ADGRB3: variants seen among roughly 807,000 people sequenced by gnomAD.
ADGRB3 encodes brain-specific angiogenesis inhibitor 3.
Under a neutral mutation model 193.4 loss-of-function variants are expected in ADGRB3, and 37 were observed. The ratio of observed to expected loss-of-function variants is 0.19; its 90% CI spans 0.15 to 0.25. The LOEUF is 0.25. Ranked by LOEUF, ADGRB3 falls within the 10% of genes least tolerant of loss-of-function variation. The pLI is 1.00. For synonymous variants in ADGRB3, 690 were observed against 644.2 expected (o/e 1.07, Z -1.08); for missense variants, 1,637 against 1,852.9 (o/e 0.88, Z 2.14).
intron 3 of ADGRB3, among the ~76,000 whole-genome samples, chr6:68,901,640 AC>A (rs1393076288): frequency 6.6e-6 from 1 of 152,198 alleles, no homozygotes; most frequent in African/African-American, 2.4e-5. Context: ...TATAATTTTA[AC>A]AACTTAAATG....
chr6:69,362,812 A>C (rs544893205), intron 29 of ADGRB3, among the ~76,000 whole-genome samples: 2 of 152,014 alleles, frequency 1.3e-5, no homozygotes, highest in Non-Finnish European at 2.9e-5. Flanking sequence ...TGTAACTTGC[A>C]TATCCCAGAG....
intron 11 of ADGRB3, among the ~76,000 whole-genome samples, chr6:68,997,973 A>G (rs182863206): frequency 3.3e-5 from 5 of 152,170 alleles, no homozygotes; most frequent in East Asian, 1.9e-4. Context: ...AAGTATTTTA[A>G]CTAACAAATC....
At chr6:69,202,489 G>A (rs934117932) in intron 17 of ADGRB3, among the ~76,000 whole-genome samples, 2 of 152,068 alleles carry the variant, frequency 1.3e-5, no homozygotes, top group African/African-American at 2.4e-5. Flanking sequence ...GAGAGACAGA[G>A]TTTTCCTCTG....
chr6:69,345,794 A>T (rs1298526783), intron 26 of ADGRB3, among the ~76,000 whole-genome samples: 1 of 152,220 alleles, frequency 6.6e-6, no homozygotes, highest in African/African-American at 2.4e-5. Flanking sequence ...GTATTCAAAC[A>T]GGAAGAGAGG....
chr6:69,110,254 C>T (rs920682631), intron 17 of ADGRB3, among the ~76,000 whole-genome samples: 3 of 151,982 alleles, frequency 2.0e-5, no homozygotes, highest in Non-Finnish European at 4.4e-5. Context: ...ATCAGATGAA[C>T]TATTATTATA....
At chr6:68,879,261 G>T (rs1765672446) in intron 3 of ADGRB3, among the ~76,000 whole-genome samples, 1 of 128,406 alleles carries the variant, frequency 7.8e-6, no homozygotes, top group South Asian at 2.6e-4. Context: ...CTATCCCCCA[G>T]GCTGGAGTGC....
intron 13 of ADGRB3, among the ~76,000 whole-genome samples, chr6:69,029,808 C>A (rs924642256): frequency 2.0e-5 from 3 of 151,838 alleles, no homozygotes; most frequent in Non-Finnish European, 2.9e-5. Context: ...ATAATACAGG[C>A]CAAGAATTCT....
At chr6:69,039,473 T>C (rs756755106) in intron 13 of ADGRB3, among the ~76,000 whole-genome samples, 2 of 152,142 alleles carry the variant, frequency 1.3e-5, no homozygotes, top group Non-Finnish European at 2.9e-5. Context: ...TGTAAAGGGA[T>C]AGATAGTAAA....
At chr6:68,899,030 C>A (rs1447724910) in intron 3 of ADGRB3, among the ~76,000 whole-genome samples, 1 of 151,984 alleles carries the variant, frequency 6.6e-6, no homozygotes, top group Non-Finnish European at 1.5e-5. Flanking sequence ...ACAGTATGGG[C>A]TTCAGTTAAT....
intron 20 of ADGRB3, among the ~76,000 whole-genome samples, chr6:69,283,542 A>G (rs1767483129): frequency 1.3e-5 from 2 of 152,078 alleles, no homozygotes; most frequent in African/African-American, 2.4e-5. Context: ...TGGGATCTGT[A>G]TTCAAATTGT....
rs144462171 is a variant in ADGRB3, at chr6:68,659,497, C to T, written c.757+20065C>T. 5.0e-4 allele frequency among the ~76,000 whole-genome samples: 75 copies of T among 150,472 alleles called. No homozygotes were observed. The East Asian group carries it at 0.014, about 28-fold the overall frequency. On this transcript the variant is annotated intron_variant, in intron 3 of 31. Transcript: ENST00000370598. ...TGAATTTATTTCATATTTATATATG[C>T]GAAGAAGCATATTTCCCCATAAATA... is the stretch of plus-strand genomic sequence containing the variant.
intron 3 of ADGRB3, among the ~76,000 whole-genome samples, chr6:68,909,300 T>C (rs182841834): frequency 1.7e-3 from 265 of 152,280 alleles, no homozygotes; most frequent in African/African-American, 5.8e-3. Context: ...TACTTTTATA[T>C]GAGAAAACAA....
intron 3 of ADGRB3, among the ~76,000 whole-genome samples, chr6:68,839,897 G>A (rs1768117878): frequency 6.6e-6 from 1 of 152,126 alleles, no homozygotes; most frequent in African/African-American, 2.4e-5. Flanking sequence ...TGTATGCATA[G>A]GGGAGGGAGA....
intron 29 of ADGRB3, among the ~76,000 whole-genome samples, chr6:69,368,166 C>A (rs958709067): frequency 6.6e-6 from 1 of 152,056 alleles, no homozygotes; most frequent in Non-Finnish European, 1.5e-5. Flanking sequence ...AAGATTGTCA[C>A]AATGATTTTT....
chr6:69,251,482 TGG>T (rs1766618818), intron 20 of ADGRB3, among the ~76,000 whole-genome samples: 1 of 152,182 alleles, frequency 6.6e-6, no homozygotes, highest in Admixed American at 6.5e-5. Flanking sequence ...ATACAGTGCC[TGG>T]CACATAGCAC....
At chr6:69,331,318 T>C (rs1768723643) in intron 23 of ADGRB3, among the ~76,000 whole-genome samples, 1 of 152,218 alleles carries the variant, frequency 6.6e-6, no homozygotes, top group African/African-American at 2.4e-5. Flanking sequence ...TTTCTCCTTT[T>C]GGATTTATTG....
intron 3 of ADGRB3, among the ~76,000 whole-genome samples, chr6:68,695,552 G>A (rs1246353196): frequency 6.6e-6 from 1 of 152,010 alleles, no homozygotes; most frequent in East Asian, 1.9e-4. Flanking sequence ...AGAAAGCCTA[G>A]GAACATGTCT....
chr6:68,796,186 TATCTATAAACC>T lies in ADGRB3; in HGVS notation c.758-134371_758-134361del, dbSNP rs577604274. Among the ~76,000 whole-genome samples, 664 of 152,278 alleles carry T rather than the reference TATCTATAAACC, an allele frequency of 4.4e-3. 2 individuals are homozygous for T. Among genetic ancestry groups the T allele is most frequent in the Non-Finnish European group, 5.6e-3 (379 of 68,018 alleles). ...TATTGAATTATATGAAAATAATATA[TATCTATAAACC>T]ACCTGGCATCTAGATCGAGCTCTAT... On this transcript the variant is annotated intron_variant, in intron 3 of 31. Coordinates refer to ENST00000370598, the MANE Select transcript of ADGRB3 (RefSeq NM_001704.3).
rs1770131895 is a variant in ADGRB3 at position 69,388,833 on chromosome 6, A to C, written c.4511A>C (p.Glu1504Ala). 1 of 1,613,392 alleles carries C rather than the reference A, an allele frequency of 6.2e-7. No homozygotes were observed. The highest frequency in any genetic ancestry group is 1.7e-5 in the Admixed American group (1 of 59,930). ...TTGGAACTGAGGCCAGCAGAGTGGGAGAAGTGTCTGAATTTGCCTCTGGAT... is the reference window on the plus strand; with the variant it reads ...TTGGAACTGAGGCCAGCAGAGTGGGCGAAGTGTCTGAATTTGCCTCTGGAT... ...DALELRPAEW[E>A]KCLNLPLDVQ... Residue 1504 changes from glutamate to alanine, a missense_variant, in exon 32 of 32, where the codon GAG (glutamate) becomes GCG (alanine). This residue lies in a region of ADGRB3 where 368 missense variants were observed against 367.4 expected (regional missense o/e 1.00). Coordinates refer to ENST00000370598, the MANE Select transcript of ADGRB3 (RefSeq NM_001704.3).
Sources: gnomAD v4.1 joint callset for allele counts (sites outside exome capture counted in the v4.1 genomes callset) on GRCh38, gnomAD v4.1.1 for gene constraint, gnomAD v4.1.1 regional missense constraint, MANE v1.5 for transcripts, NCBI Gene and HGNC (gene_info 2026-07-23, HGNC 2026-07-21) for gene names.